Variants in TYW1 observed in about 807,000 individuals in gnomAD.
The protein encoded by TYW1 is tRNA-yW synthesizing protein 1 homolog.
TYW1 carries 46 observed loss-of-function variants against 96.2 expected under a neutral mutation model. The observed-to-expected ratio is 0.48, with a 90% CI of 0.38 to 0.61. The LOEUF is 0.61. Among genes scored for constraint, TYW1 ranks in the 20% least tolerant of loss-of-function variants. The probability of loss-of-function intolerance (pLI) is 0.00; values close to 1 mark genes in which losing one functional copy is unlikely to be tolerated. For synonymous variants in TYW1, 274 were observed against 323.0 expected, an observed-to-expected ratio of 0.85 and a Z score of 1.63; for missense variants, 684 against 909.6, an observed-to-expected ratio of 0.75 and a Z score of 3.19.
intron 13 of TYW1, among the ~76,000 whole-genome samples, chr7:67,163,453 A>G (rs3864345): frequency 0.47 from 72,050 of 151,764 alleles, 17,550 homozygotes; most frequent in Middle Eastern, 0.58. Flanking sequence ...CTTCACACAG[A>G]TGATATCTTC....
chr7:67,129,241 C>T (rs1455168866), intron 13 of TYW1, among the ~76,000 whole-genome samples: 1 of 152,196 alleles, frequency 6.6e-6, no homozygotes, highest in African/African-American at 2.4e-5. Flanking sequence ...TTGTTATCAA[C>T]AGAATGCTCT....
At chr7:67,158,726 C>T (rs976898695) in intron 13 of TYW1, among the ~76,000 whole-genome samples, 4 of 152,038 alleles carry the variant, frequency 2.6e-5, no homozygotes, top group South Asian at 4.1e-4. Flanking sequence ...CTCGCCACCA[C>T]GCCTGGCTAA....
intron 8 of TYW1, among the ~76,000 whole-genome samples, chr7:67,051,131 A>C (rs979390464): frequency 3.9e-5 from 6 of 152,054 alleles, no homozygotes; most frequent in Non-Finnish European, 7.4e-5. Context: ...CAGCCTCCCA[A>C]AGTGCTGGGA....
intron 9 of TYW1, among the ~76,000 whole-genome samples, chr7:67,057,650 C>T (rs1795564898): frequency 6.6e-6 from 1 of 152,140 alleles, no homozygotes; most frequent in African/African-American, 2.4e-5. Context: ...GGATTATAGG[C>T]GTGAGCCACC....
At chr7:67,097,824 T>C (rs1278401409) in intron 11 of TYW1, among the ~76,000 whole-genome samples, 2 of 150,630 alleles carry the variant, frequency 1.3e-5, no homozygotes, top group South Asian at 4.2e-4. Context: ...TCCCAAGTAG[T>C]TGGGACCACA....
intron 15 of TYW1, among the ~76,000 whole-genome samples, chr7:67,217,014 T>C (rs1801215089): frequency 1.3e-5 from 2 of 148,856 alleles, no homozygotes; most frequent in Non-Finnish European, 1.5e-5. Flanking sequence ...GAGTTCTTAT[T>C]GTAGTTTTGA....
chr7:67,165,900 A>G (rs1350258619), intron 13 of TYW1, among the ~76,000 whole-genome samples: 2 of 152,190 alleles, frequency 1.3e-5, no homozygotes, highest in African/African-American at 2.4e-5. Flanking sequence ...ACTGCACTCC[A>G]GCCTGGGCAA....
intron 7 of TYW1, among the ~76,000 whole-genome samples, chr7:67,041,396 C>T (rs1400487023): frequency 6.6e-6 from 1 of 152,040 alleles, no homozygotes; most frequent in African/African-American, 2.4e-5. Context: ...CCCCGCCTCC[C>T]GGGTTCATGC....
chr7:67,007,003 C>T (rs1793619626), intron 3 of TYW1, among the ~76,000 whole-genome samples: 1 of 115,170 alleles, frequency 8.7e-6, no homozygotes, highest in Non-Finnish European at 1.6e-5. Context: ...ACTAATAGGG[C>T]AAGAACTCAA....
At chr7:67,221,104 A>G (rs1801380161) in intron 15 of TYW1, among the ~76,000 whole-genome samples, 1 of 152,168 alleles carries the variant, frequency 6.6e-6, no homozygotes, top group African/African-American at 2.4e-5. Flanking sequence ...GTCTCTGAGT[A>G]TTGTTGTAGA....
intron 8 of TYW1, among the ~76,000 whole-genome samples, chr7:67,052,078 ATT>A (rs1266338810): frequency 6.6e-6 from 1 of 151,778 alleles, no homozygotes; most frequent in Non-Finnish European, 1.5e-5. Flanking sequence ...TACTTGGAAG[ATT>A]TTCTCTTAAG....
chr7:67,153,371 G>A (rs9690120), intron 13 of TYW1, among the ~76,000 whole-genome samples: 34,318 of 152,054 alleles, frequency 0.23, 3,994 homozygotes, highest in South Asian at 0.29. Flanking sequence ...CAGGAGAATC[G>A]CTTGAACATG....
chr7:67,138,536 T>A (rs111994032), intron 13 of TYW1, among the ~76,000 whole-genome samples: 26,795 of 151,506 alleles, frequency 0.18, 2,628 homozygotes, highest in East Asian at 0.31. Context: ...TTGACTATAT[T>A]GTCAACCTGT....
chr7:67,230,714 G>A lies in TYW1; in HGVS notation c.1978-7594G>A, dbSNP rs1465267491. Reference sequence around the variant, plus strand: ...GTCCCCCAGGCTGGAGTGCAGTGGCGCGATCTCGGCTCACTGCAACCTCTA... The same window carrying A: ...GTCCCCCAGGCTGGAGTGCAGTGGCACGATCTCGGCTCACTGCAACCTCTA... On this transcript the variant is annotated intron_variant, in intron 15 of 15. Transcript: ENST00000359626. Among the ~76,000 whole-genome samples the A allele has an allele frequency of 5.5e-5, 8 of 144,664 alleles. No homozygotes were observed. The South Asian group carries it at 6.7e-4, about 12-fold the overall frequency. The allele number at this position is 144,664 out of a possible 152,430, so 94.9% of individuals were successfully genotyped here.
rs1797464184 is a variant in TYW1, at chr7:67,112,730, ATTAGAGCTTTTTGGATTT to A, written c.1563-4749_1563-4732del. Among the ~76,000 whole-genome samples the A allele has an allele frequency of 1.3e-5, 2 of 152,102 alleles. 1 individual carries two copies. The highest frequency in any genetic ancestry group is 4.1e-4 in the South Asian group (2 of 4,832). On this transcript the variant is annotated intron_variant, in intron 12 of 15. Coordinates refer to ENST00000359626, the MANE Select transcript of TYW1 (RefSeq NM_018264.4). ...AACTTAGAAAAGCAACCTTTTTGTT[ATTAGAGCTTTTTGGATTT>A]TTAAATTGTGGTTAAGAGGTTGTTG...
intron 9 of TYW1, among the ~76,000 whole-genome samples, chr7:67,057,863 G>A (rs1262442575): frequency 6.6e-6 from 1 of 152,058 alleles, no homozygotes; most frequent in Non-Finnish European, 1.5e-5. Flanking sequence ...TTCCATAAAG[G>A]TATCTTTTGA....
rs10231586 is a variant in TYW1, at chr7:67,166,953, C to T, written c.1699-16173C>T. Among the ~76,000 whole-genome samples the T allele has an allele frequency of 5.3e-5, 8 of 152,116 alleles. No individual in the cohort carries two copies. The East Asian group carries it at 5.8e-4, about 11-fold the overall frequency. ...TAGTAGATAGTGCCAGACAATCGCA[C>T]GGCCATATAAGAACATTCAAGGCTT... On this transcript the variant is annotated intron_variant, in intron 13 of 15. Transcript: ENST00000359626.
At chr7:67,028,591 T>A (rs1230140584) in intron 7 of TYW1, among the ~76,000 whole-genome samples, 1 of 152,174 alleles carries the variant, frequency 6.6e-6, no homozygotes, top group Non-Finnish European at 1.5e-5. Flanking sequence ...TTCTCGCCTT[T>A]CAGAATATAA....
chr7:67,094,619 A>G (rs1182703366), intron 11 of TYW1, among the ~76,000 whole-genome samples: 1 of 149,790 alleles, frequency 6.7e-6, no homozygotes, highest in Non-Finnish European at 1.5e-5. Context: ...TCGTATTTCT[A>G]AGGTGTGGGA....
Sources: allele counts gnomAD v4.1 joint callset (sites outside exome capture counted in the v4.1 genomes callset), GRCh38; gene constraint gnomAD v4.1.1; transcripts MANE v1.5; gene names NCBI Gene and HGNC (gene_info 2026-07-23, HGNC 2026-07-21).